The following ADCYAP1 variants were observed in gnomAD, a reference collection of about 807,000 sequenced individuals.
ADCYAP1 encodes pituitary adenylate cyclase-activating polypeptide.
ADCYAP1 carries 6 observed loss-of-function variants against 18.5 expected under a neutral mutation model. That is an observed-to-expected ratio of 0.32 (90% CI 0.18 to 0.64). The LOEUF is 0.64. ADCYAP1 is among the 30% of genes least tolerant of loss of function. The probability of loss-of-function intolerance (pLI) is 0.77; values close to 1 mark genes in which losing one functional copy is unlikely to be tolerated. For missense variants in ADCYAP1, 314 were observed against 253.6 expected (o/e 1.24, Z -1.62); for synonymous variants, 136 against 113.9 (o/e 1.19, Z -1.24).
chr18:908,170 G>A, intron 3 of ADCYAP1, 95 bp from the exon 4 acceptor site: 6 of 1,141,638 alleles, frequency 5.3e-6, no homozygotes, highest in Admixed American at 2.2e-5. Context: ...AGCCTCCCCG[G>A]CCGCCGAGGG....
chr18:907,416 C>T, intron 2 of ADCYAP1: 1 of 438,532 alleles, frequency 2.3e-6, no homozygotes, highest in Non-Finnish European at 4.0e-6. Flanking sequence ...AGGCCGTGGC[C>T]CGCAGGACGA....
upstream of ADCYAP1, chr18:904,722 G>A (rs1042689390): frequency 2.1e-5 from 26 of 1,235,156 alleles, no homozygotes; most frequent in African/African-American, 7.8e-5. Flanking sequence ...TTAATCGCCT[G>A]CTTCTTCCTC....
chr18:905,354 C>G (rs375496130), intron 1 of ADCYAP1, 32 bp from the exon 2 acceptor site: 4 of 1,609,712 alleles, frequency 2.5e-6, no homozygotes, highest in Non-Finnish European at 3.4e-6. Context: ...GGCGTTCTCA[C>G]AGCTGTGTGT....
chr18:908,967 C>T, intron 4 of ADCYAP1, among the ~76,000 whole-genome samples: 1 of 152,254 alleles, frequency 6.6e-6, no homozygotes, highest in Non-Finnish European at 1.5e-5. Context: ...TTTTTCAACT[C>T]GGCGTGAGGA....
At chr18:905,176 C>T in intron 1 of ADCYAP1, 116 bp downstream of exon 1, 2 of 1,411,710 alleles carry the variant, frequency 1.4e-6, no homozygotes, top group Non-Finnish European at 1.8e-6. Context: ...AGTTATTGGG[C>T]GCCGGGTAGA....
chr18:905,670 T>C, intron 2 of ADCYAP1, 174 bp downstream of exon 2: 1 of 773,946 alleles, frequency 1.3e-6, no homozygotes. Context: ...TAGCCGAGGG[T>C]CTGGCAGGCT....
chr18:908,539 G>T (rs1267957048), intron 4 of ADCYAP1, among the ~76,000 whole-genome samples, 176 bp downstream of exon 4: 3 of 152,260 alleles, frequency 2.0e-5, no homozygotes, highest in Non-Finnish European at 4.4e-5. Context: ...CTTTAAATTT[G>T]CCCAGAGAGC....
chr18:905,434 A>T lies in ADCYAP1; in HGVS notation c.48A>T (p.Ile16=). 1 of 1,612,668 alleles carries T rather than the reference A, an allele frequency of 6.2e-7. No homozygotes were observed. Residue 16 remains isoleucine, a synonymous_variant, in exon 2 of 5, where the codon ATA becomes ATT. Coordinates refer to ENST00000450565, the MANE Select transcript of ADCYAP1 (RefSeq NM_001099733.2). The part of the protein sequence containing the change: ...GARLALLVYG[I]IMHSSVYSSP... ...GGCTGGCCCTGCTGGTCTATGGGAT[A>T]ATCATGCACAGCAGCGTCTACAGCT...
intron 4 of ADCYAP1, 66 bp downstream of exon 4, chr18:908,429 C>A: frequency 2.7e-6 from 4 of 1,455,002 alleles, no homozygotes; most frequent in Non-Finnish European, 3.8e-6. Flanking sequence ...GCGCGCGGGG[C>A]GGGCGGCGGT....
Position 909,663 on chromosome 18 carries a change from A to C in ADCYAP1, c.*28A>C, listed in dbSNP as rs190047341. On this transcript the variant is annotated 3_prime_UTR_variant, in exon 5 of 5. Coordinates refer to ENST00000450565, the MANE Select transcript of ADCYAP1 (RefSeq NM_001099733.2). ...ATGGGTTACCAGCTACCCTGTGTAT[A>C]CAGCCCTGACGCAATGAAAAGTCGT... The C allele has an allele frequency of 1.7e-5, 28 of 1,601,088 alleles. No homozygotes were observed. In the African/African-American group the frequency reaches 3.2e-4, roughly 18 times the overall value.
rs530870488 is a variant in ADCYAP1, at chr18:911,546, G to A, written c.*1911G>A. 6.6e-6 allele frequency: 1 copy of A among 152,314 alleles called. No homozygotes were observed. Among genetic ancestry groups the A allele is most frequent in the East Asian group, 1.9e-4 (1 of 5,184 alleles). The allele number at this position is 152,314 out of a possible 1,614,324, so 9.4% of individuals were successfully genotyped here. On this transcript the variant is annotated 3_prime_UTR_variant, in exon 5 of 5. Coordinates refer to ENST00000450565, the MANE Select transcript of ADCYAP1 (RefSeq NM_001099733.2). Reference sequence around the variant, plus strand: ...AAACAGAATTGGATTTGCATTCCCAGGCGGGATGGATGCTGCCAGGAGATC... The same window carrying A: ...AAACAGAATTGGATTTGCATTCCCAAGCGGGATGGATGCTGCCAGGAGATC...
chr18:909,222 G>A (rs1909290981), intron 4 of ADCYAP1, among the ~76,000 whole-genome samples: 1 of 152,240 alleles, frequency 6.6e-6, no homozygotes, highest in African/African-American at 2.4e-5. Context: ...CCCTCCGCAG[G>A]GTTTGGTGCC....
At position 909,751 on chromosome 18, in the gene ADCYAP1, A is replaced by C; in HGVS notation, c.*116A>C. On this transcript the variant is annotated 3_prime_UTR_variant, in exon 5 of 5. Coordinates refer to ENST00000450565, the MANE Select transcript of ADCYAP1 (RefSeq NM_001099733.2). ...TATCCAAACATGTATTTATGTAATG[A>C]AGTAAAGCCATTAAATGAATATTTT... is the stretch of plus-strand genomic sequence containing the variant. The C allele has an allele frequency of 2.4e-6, 2 of 849,908 alleles. No individual in the cohort carries two copies. Among genetic ancestry groups the C allele is most frequent in the Non-Finnish European group, 1.7e-6 (1 of 574,136 alleles). 52.6% of individuals were successfully genotyped at this position (849,908 alleles called of 1,614,324 possible).
chr18:910,750 C>T lies in ADCYAP1; in HGVS notation c.*1115C>T, dbSNP rs1460961113. 1.3e-5 allele frequency: 2 copies of T among 152,268 alleles called. No homozygotes were observed. The highest frequency in any genetic ancestry group is 3.8e-4 in the East Asian group (2 of 5,198). 9.4% of individuals were successfully genotyped at this position (152,268 alleles called of 1,614,324 possible). On this transcript the variant is annotated 3_prime_UTR_variant, in exon 5 of 5. Coordinates refer to ENST00000450565, the MANE Select transcript of ADCYAP1 (RefSeq NM_001099733.2). ...ATGGCCAGGATCCTCTCCTTTGAAA[C>T]CTGCTCTGTAGGAGCTACCCTTTTC...
At position 907,747 on chromosome 18, in the gene ADCYAP1, G is replaced by T; in HGVS notation, c.199G>T (p.Ala67Ser). 2.0e-6 allele frequency: 3 copies of T among 1,507,266 alleles called. No homozygotes were observed. The allele number at this position is 1,507,266 out of a possible 1,614,324, so 93.4% of individuals were successfully genotyped here. The change falls in exon 3 of 5, where the codon GCG becomes TCG. Residue 67 changes from alanine (A) to serine (S), a missense_variant. By Grantham distance (99) the Ala-to-Ser change is moderately conservative. Transcript: ENST00000450565. ...GCCGGGCGCAGGGAGCCCCGCCTCC[G>T]CGCCGCGCGCCGCCGCCGCCTGGTA... ...EPPGAGSPAS[A>S]PRAAAAWYRP...
At chr18:905,803 C>T in intron 2 of ADCYAP1, 2 of 459,438 alleles carry the variant, frequency 4.4e-6, no homozygotes, top group Non-Finnish European at 7.8e-6. Flanking sequence ...GGGGGCAGGG[C>T]ACGGCCCCTA....
rs748391850 is a variant in ADCYAP1, at chr18:904,902, G to C, written c.-160G>C. The C allele has an allele frequency of 4.7e-6, 6 of 1,289,410 alleles. No individual in the cohort carries two copies. In the South Asian group the frequency reaches 7.4e-5, roughly 16 times the overall value. 79.9% of individuals were successfully genotyped at this position (1,289,410 alleles called of 1,614,324 possible). On this transcript the variant is annotated 5_prime_UTR_variant, in exon 1 of 5. Transcript: ENST00000450565. ...CGAGCCTCGGCAAACGAGTCCCGCA[G>C]CTCCTCCTGCTGCTCCCGCTGGTTC...
In ADCYAP1 at chr18:910,469, T is replaced by A. The variant is rs1367681578; in HGVS notation, c.*834T>A. On this transcript the variant is annotated 3_prime_UTR_variant, in exon 5 of 5. Transcript: ENST00000450565. Reference sequence around the variant, plus strand: ...CGCTCTCTTTTCTGTACTTCCTGAGTGGCCAGGGAATCTAATATCCCCAAA... The same window carrying A: ...CGCTCTCTTTTCTGTACTTCCTGAGAGGCCAGGGAATCTAATATCCCCAAA... 1 of 152,188 alleles carries A rather than the reference T, an allele frequency of 6.6e-6. No individual in the cohort carries two copies. Among genetic ancestry groups the A allele is most frequent in the Non-Finnish European group, 1.5e-5 (1 of 68,048 alleles). The allele number at this position is 152,188 out of a possible 1,614,324, so 9.4% of individuals were successfully genotyped here.
At chr18:904,593 G>A, upstream of ADCYAP1, 1 of 1,269,726 alleles carries the variant, frequency 7.9e-7, no homozygotes, top group Non-Finnish European at 1.0e-6. Flanking sequence ...AGACCTCGGA[G>A]CAGAGAAGGC....
Sources: allele counts gnomAD v4.1 joint callset (sites outside exome capture counted in the v4.1 genomes callset), GRCh38; gene constraint gnomAD v4.1.1; transcripts MANE v1.5; gene names NCBI Gene and HGNC (gene_info 2026-07-23, HGNC 2026-07-21).